MTRR: variants seen among roughly 807,000 people sequenced by gnomAD.
MTRR encodes methionine synthase reductase.
A neutral mutation model predicts 79.2 loss-of-function variants in MTRR; 63 were observed. The observed-to-expected ratio is 0.80, with a 90% CI of 0.65 to 0.98. The LOEUF (loss-of-function observed/expected upper bound fraction) is 0.98. Among genes scored for constraint, MTRR ranks in the 50% least tolerant of loss-of-function variants. The probability of loss-of-function intolerance (pLI) is 0.00; values close to 1 mark genes in which losing one functional copy is unlikely to be tolerated. For synonymous variants in MTRR, 355 were observed against 313.3 expected (o/e 1.13, Z -1.41); for missense variants, 895 against 839.6 (o/e 1.07, Z -0.82).
At chr5:7,886,862 G>C (rs1295069213) in intron 8 of MTRR, among the ~76,000 whole-genome samples, 159 bp downstream of exon 8, 2 of 152,118 alleles carry the variant, frequency 1.3e-5, no homozygotes, top group African/African-American at 4.8e-5. Context: ...TGCTATCATC[G>C]TAACTATCAT....
chr5:7,899,992 A>C lies in MTRR; in HGVS notation c.2031A>C (p.Leu677=). The C allele has an allele frequency of 6.2e-7, 1 of 1,614,192 alleles. No individual in the cohort carries two copies. The highest frequency in any genetic ancestry group is 8.5e-7 in the Non-Finnish European group (1 of 1,180,030). ...IISKEVGVEK[L]EAMKTLATLK... ...GCAAAGAGGTTGGAGTTGAAAAACT[A>C]GAAGCAATGAAAACCCTGGCCACTT... The change falls in exon 15 of 15, where the codon CTA becomes CTC. Residue 677 remains leucine (L), a synonymous_variant. Transcript: ENST00000440940.
chr5:7,856,768 T>A (rs1436212208), intron 1 of MTRR: 7 of 131,720 alleles, frequency 5.3e-5, no homozygotes, highest in Non-Finnish European at 1.0e-4. Context: ...TTTTTTAATT[T>A]TATTTATTTT....
chr5:7,891,553 CAGA>C (rs765502907), intron 10 of MTRR, 139 bp downstream of exon 10: 17 of 703,760 alleles, frequency 2.4e-5, no homozygotes, highest in Non-Finnish European at 3.5e-5. Context: ...CATAATAAAG[CAGA>C]AGAAGAATCA....
At chr5:7,861,121 G>T (rs757641071) in intron 1 of MTRR, 14 of 1,412,954 alleles carry the variant, frequency 9.9e-6, no homozygotes, top group Non-Finnish European at 1.3e-5. Flanking sequence ...TTGCTTTTGG[G>T]AAACAAAAAA....
chr5:7,897,225 A>T lies in MTRR; in HGVS notation c.1930A>T (p.Asn644Tyr). Residue 644 changes from asparagine to tyrosine, a missense_variant, in exon 14 of 15, where the codon AAC (asparagine) becomes TAC (tyrosine). Asn to Tyr is a moderately radical substitution (Grantham distance 143, BLOSUM62 -2). Coordinates refer to ENST00000440940, the MANE Select transcript of MTRR (RefSeq NM_002454.3). ...QQVARILLQE[N>Y]GHIYVCGDAK... is the part of the protein sequence containing the mutation. Reference sequence around the variant, plus strand: ...GGTGGCGAGAATCCTCCTCCAGGAGAACGGCCATATTTATGTGTGTGGGTG... The same window carrying T: ...GGTGGCGAGAATCCTCCTCCAGGAGTACGGCCATATTTATGTGTGTGGGTG... 1 of 1,614,132 alleles carries T rather than the reference A, an allele frequency of 6.2e-7. No individual in the cohort carries two copies. Among genetic ancestry groups the T allele is most frequent in the Non-Finnish European group, 8.5e-7 (1 of 1,180,022 alleles).
rs1475257055 is a variant in MTRR, at chr5:7,870,922, A to G, written c.128A>G (p.Lys43Arg). ...ADLHCISESD[K>R]YDLKTETAPL... ...CTTCACTGTATTAGTGAATCCGATAAGGTTAGAGCCGTTACAGTGGATTTT... is the reference window on the plus strand; with the variant it reads ...CTTCACTGTATTAGTGAATCCGATAGGGTTAGAGCCGTTACAGTGGATTTT... The change falls in exon 2 of 15, where the codon AAG becomes AGG. Residue 43 changes from lysine to arginine, a missense_variant and splice_region_variant. Physicochemically the swap from Lys to Arg is conservative, Grantham distance 26. Transcript: ENST00000440940. 1 of 1,614,218 alleles carries G rather than the reference A, an allele frequency of 6.2e-7. No homozygotes were observed. Among genetic ancestry groups the G allele is most frequent in the Admixed American group, 1.7e-5 (1 of 60,032 alleles).
chr5:7,887,547 T>C lies in MTRR; in HGVS notation c.1146+844T>C, dbSNP rs1041800474. Among the ~76,000 whole-genome samples, 11 of 147,970 alleles carry C rather than the reference T, an allele frequency of 7.4e-5. No individual in the cohort carries two copies. The South Asian group carries it at 2.3e-3, about 31-fold the overall frequency. ...TCAGCTCTCTAAATAAATATATGTA[T>C]ATTTATATATATATAGATTTATATA... On this transcript the variant is annotated intron_variant, in intron 8 of 14. Transcript: ENST00000440940.
chr5:7,899,760 C>T (rs1739174814), intron 14 of MTRR, among the ~76,000 whole-genome samples, 154 bp from the exon 15 acceptor site: 2 of 152,104 alleles, frequency 1.3e-5, no homozygotes, highest in Non-Finnish European at 1.5e-5. Flanking sequence ...CTGGCCTGGG[C>T]ATGAGTGAGG....
intron 6 of MTRR, among the ~76,000 whole-genome samples, chr5:7,883,885 A>G (rs1386378356): frequency 6.6e-6 from 1 of 152,240 alleles, no homozygotes; most frequent in Admixed American, 6.5e-5. Flanking sequence ...AGTTAGAAAT[A>G]GAGCCTAAGG....
chr5:7,883,941 T>A (rs1736000398), intron 6 of MTRR, among the ~76,000 whole-genome samples: 1 of 152,190 alleles, frequency 6.6e-6, no homozygotes, highest in African/African-American at 2.4e-5. Context: ...TTTGGGAGGC[T>A]GAAGGCGGTC....
exon 1 of MTRR, chr5:7,851,230 C>G: frequency 6.3e-6 from 3 of 472,838 alleles, no homozygotes; most frequent in Non-Finnish European, 6.7e-6. Context: ...TCCTCCCTCC[C>G]GGCCCCTCGA....
chr5:7,860,416 A>AT (rs1431877777), intron 1 of MTRR, among the ~76,000 whole-genome samples: 1 of 152,190 alleles, frequency 6.6e-6, no homozygotes, highest in Non-Finnish European at 1.5e-5. Flanking sequence ...TATCTTGTTC[A>AT]TTTTTATTTA....
rs983174020 is a variant in MTRR at position 7,898,113 on chromosome 5, A to G, written c.1952+866A>G. On this transcript the variant is annotated intron_variant, in intron 14 of 14. Coordinates refer to ENST00000440940, the MANE Select transcript of MTRR (RefSeq NM_002454.3). Reference sequence around the variant, plus strand: ...TAGCTTTGGCTACTAAGTTAATTTCATGTCCTTTCAATAGATTTTGACTCC... The same window carrying G: ...TAGCTTTGGCTACTAAGTTAATTTCGTGTCCTTTCAATAGATTTTGACTCC... 2.0e-5 allele frequency among the ~76,000 whole-genome samples: 3 copies of G among 152,348 alleles called. No homozygotes were observed. In the East Asian group the frequency reaches 5.8e-4, roughly 29 times the overall value.
chr5:7,874,658 A>C (rs1013049037), intron 3 of MTRR, among the ~76,000 whole-genome samples: 1 of 150,618 alleles, frequency 6.6e-6, no homozygotes, highest in Non-Finnish European at 1.5e-5. Context: ...ACACAGAAAC[A>C]TACCACATTG....
chr5:7,859,994 G>C (rs755174784), intron 1 of MTRR, among the ~76,000 whole-genome samples: 7 of 152,140 alleles, frequency 4.6e-5, no homozygotes, highest in African/African-American at 7.2e-5. Context: ...AAGAGGGAGA[G>C]AGCAGGAGGC....
intron 11 of MTRR, among the ~76,000 whole-genome samples, chr5:7,894,165 T>C (rs1369088215): frequency 6.6e-6 from 1 of 152,244 alleles, no homozygotes. Flanking sequence ...ATCCAATCTA[T>C]ATGCAGTAGA....
chr5:7,868,387 G>C (rs577619266), upstream of MTRR, among the ~76,000 whole-genome samples: 1 of 152,264 alleles, frequency 6.6e-6, no homozygotes, highest in South Asian at 2.1e-4. Context: ...TTTACACGAG[G>C]AAGAAGTTGA....
At position 7,869,615 on chromosome 5, in the gene MTRR, G is replaced by T. The variant is rs1469614191; in HGVS notation, c.-26+400G>T. 4.0e-5 allele frequency: 10 copies of T among 250,044 alleles called. No homozygotes were observed. In the East Asian group the frequency reaches 1.3e-3, roughly 32 times the overall value. The allele number at this position is 250,044 out of a possible 1,614,324, so 15.5% of individuals were successfully genotyped here. On this transcript the variant is annotated intron_variant, in intron 1 of 14. Coordinates refer to ENST00000440940, the MANE Select transcript of MTRR (RefSeq NM_002454.3). Reference sequence around the variant, plus strand: ...GGACGTTCCGAGCGCCCACCCGGCGGGACGCGGCCGTGAGTTCTGCCCGCG... The same window carrying T: ...GGACGTTCCGAGCGCCCACCCGGCGTGACGCGGCCGTGAGTTCTGCCCGCG...
rs1419272455 is a variant in MTRR at position 7,870,757 on chromosome 5, C to G, written c.-25-13C>G. 3 of 1,613,852 alleles carry G rather than the reference C, an allele frequency of 1.9e-6. No homozygotes were observed. The highest frequency in any genetic ancestry group is 2.5e-6 in the Non-Finnish European group (3 of 1,179,902). ...TTCATTAAAAAGAGGATCTTTTTTC[C>G]CCCATTTTTCAGTTTCACTGTTACA... On this transcript the variant is annotated splice_polypyrimidine_tract_variant and intron_variant, in intron 1 of 14. Coordinates refer to ENST00000440940, the MANE Select transcript of MTRR (RefSeq NM_002454.3).
Sources: allele counts gnomAD v4.1 joint callset (sites outside exome capture counted in the v4.1 genomes callset), GRCh38; gene constraint gnomAD v4.1.1; transcripts MANE v1.5; gene names NCBI Gene and HGNC (gene_info 2026-07-23, HGNC 2026-07-21).